RBMS3: variants seen among roughly 807,000 people sequenced by gnomAD.
RBMS3 encodes RNA-binding motif, single-stranded-interacting protein 3.
Under a neutral mutation model 66.8 loss-of-function variants are expected in RBMS3, and 27 were observed. The observed-to-expected ratio is 0.40, with a 90% CI of 0.30 to 0.56. The LOEUF (loss-of-function observed/expected upper bound fraction) is 0.56, where lower values mean the gene tolerates loss of function less well. Ranked by LOEUF, RBMS3 falls within the 20% of genes least tolerant of loss-of-function variation. The pLI is 0.40. For synonymous variants in RBMS3, 188 were observed against 183.0 expected, an observed-to-expected ratio of 1.03 and a Z score of -0.22; for missense variants, 513 against 549.5, an observed-to-expected ratio of 0.93 and a Z score of 0.66.
intron 4 of RBMS3, among the ~76,000 whole-genome samples, chr3:29,739,054 A>G (rs2054504490): frequency 6.6e-6 from 1 of 152,230 alleles, no homozygotes; most frequent in African/African-American, 2.4e-5. Flanking sequence ...ATTAAATGCA[A>G]TATCAGTAAC....
intron 1 of RBMS3, among the ~76,000 whole-genome samples, chr3:29,313,905 C>T (rs755871711): frequency 2.0e-5 from 3 of 151,636 alleles, no homozygotes; most frequent in Admixed American, 6.6e-5. Flanking sequence ...AAGGAAAATT[C>T]GGGATGAGTG....
At position 29,430,937 on chromosome 3, in the gene RBMS3, C is replaced by T. The variant is rs114789442; in HGVS notation, c.76-3806C>T. Among the ~76,000 whole-genome samples the T allele has an allele frequency of 9.1e-3, 1,384 of 152,194 alleles. 25 individuals are homozygous for T. The highest frequency in any genetic ancestry group is 0.03 in the African/African-American group (1,262 of 41,518). On this transcript the variant is annotated intron_variant, in intron 1 of 14. Coordinates refer to ENST00000383767, the MANE Select transcript of RBMS3 (RefSeq NM_001003793.3). ...GGAAGTAAAGAGAAATCTCATCTGA[C>T]CCATTATGAGATACACCAGGAAGCC...
At chr3:29,363,806 A>G (rs2037745396) in intron 1 of RBMS3, among the ~76,000 whole-genome samples, 1 of 152,060 alleles carries the variant, frequency 6.6e-6, no homozygotes, top group East Asian at 1.9e-4. Flanking sequence ...AATTAAAAAA[A>G]AAAAAAAAAC....
At chr3:29,350,583 T>A (rs1351213318) in intron 1 of RBMS3, among the ~76,000 whole-genome samples, 1 of 152,076 alleles carries the variant, frequency 6.6e-6, no homozygotes, top group Non-Finnish European at 1.5e-5. Flanking sequence ...GCCACAGAGA[T>A]GGAGAGAACT....
chr3:29,931,413 C>A (rs989433608), intron 10 of RBMS3, among the ~76,000 whole-genome samples: 42 of 152,180 alleles, frequency 2.8e-4, no homozygotes, highest in Non-Finnish European at 1.2e-4. Context: ...CAGCATTTGT[C>A]AAATCCTTCC....
intron 4 of RBMS3, among the ~76,000 whole-genome samples, chr3:29,643,602 C>T (rs955371804): frequency 6.6e-6 from 1 of 151,914 alleles, no homozygotes; most frequent in African/African-American, 2.4e-5. Flanking sequence ...AATTAAGGAG[C>T]GTAACACAGT....
At chr3:29,698,229 T>G in intron 4 of RBMS3, 1 of 985,386 alleles carries the variant, frequency 1.0e-6, no homozygotes, top group Non-Finnish European at 1.2e-6. Flanking sequence ...CAGAAAGTTC[T>G]GAGTAATGCA....
At chr3:29,387,101 G>C (rs766904184) in intron 1 of RBMS3, among the ~76,000 whole-genome samples, 3 of 152,024 alleles carry the variant, frequency 2.0e-5, no homozygotes, top group Non-Finnish European at 4.4e-5. Context: ...TGGATCTCTG[G>C]ATATCTTTAT....
At chr3:29,859,588 G>A (rs2059162041) in intron 6 of RBMS3, among the ~76,000 whole-genome samples, 1 of 152,176 alleles carries the variant, frequency 6.6e-6, no homozygotes, top group Non-Finnish European at 1.5e-5. Context: ...ATGGCAGACA[G>A]GATCTATACG....
At chr3:29,620,216 A>C (rs2149151900) in intron 4 of RBMS3, among the ~76,000 whole-genome samples, 1 of 152,232 alleles carries the variant, frequency 6.6e-6, no homozygotes, top group African/African-American at 2.4e-5. Context: ...TGGATCCTTT[A>C]ATGCTTAGAT....
At chr3:29,521,264 A>G (rs1001099869) in intron 3 of RBMS3, among the ~76,000 whole-genome samples, 19 of 152,216 alleles carry the variant, frequency 1.2e-4, no homozygotes, top group African/African-American at 4.6e-4. Context: ...ACCCTAGTTC[A>G]TAGGCAGTAT....
chr3:29,522,779 T>C (rs990870055), intron 3 of RBMS3, among the ~76,000 whole-genome samples: 2 of 151,928 alleles, frequency 1.3e-5, no homozygotes, highest in Non-Finnish European at 2.9e-5. Flanking sequence ...GACAAAGGAG[T>C]CTGGAAAAGG....
At chr3:29,425,547 G>A (rs900426852) in intron 1 of RBMS3, among the ~76,000 whole-genome samples, 4 of 149,698 alleles carry the variant, frequency 2.7e-5, no homozygotes, top group Admixed American at 6.7e-5. Context: ...CTGAGACAGG[G>A]GAATTGCTTG....
intron 1 of RBMS3, among the ~76,000 whole-genome samples, chr3:29,387,318 C>G (rs896214857): frequency 1.3e-5 from 2 of 152,236 alleles, no homozygotes; most frequent in Admixed American, 6.5e-5. Context: ...TTCCCCAAAC[C>G]TGCTTTACTT....
At chr3:29,414,287 T>C (rs1331212615) in intron 1 of RBMS3, among the ~76,000 whole-genome samples, 3 of 152,212 alleles carry the variant, frequency 2.0e-5, no homozygotes, top group African/African-American at 7.2e-5. Flanking sequence ...TTGGAAAATA[T>C]ATCTATCCCA....
chr3:29,324,990 A>G (rs1424550216), intron 1 of RBMS3, among the ~76,000 whole-genome samples: 1 of 152,116 alleles, frequency 6.6e-6, no homozygotes, highest in Non-Finnish European at 1.5e-5. Flanking sequence ...GAAAGAATAC[A>G]TGCATATAAT....
rs1245001930 is a variant in RBMS3 at position 29,490,042 on chromosome 3, CAA to C, written c.307+1565_307+1566del. Among the ~76,000 whole-genome samples, 397 of 49,966 alleles carry C rather than the reference CAA, an allele frequency of 7.9e-3. 1 individual carries two copies. Among genetic ancestry groups the C allele is most frequent in the African/African-American group, 0.025 (373 of 14,864 alleles). 32.8% of individuals were successfully genotyped at this position (49,966 alleles called of 152,430 possible). A position where few individuals can be genotyped will look rare whatever the true frequency, so the allele number is the denominator to read the frequency against. ...TGGGCTACAGGGCAAGACTCCCTCTCAAAAAAAAAAAAAAAAAAAAAAAGTAC... is the reference window on the plus strand; with the variant it reads ...TGGGCTACAGGGCAAGACTCCCTCTCAAAAAAAAAAAAAAAAAAAAAGTAC... On this transcript the variant is annotated intron_variant, in intron 3 of 14. Transcript: ENST00000383767.
chr3:29,603,534 T>C (rs1428343614), intron 4 of RBMS3, among the ~76,000 whole-genome samples: 1 of 151,958 alleles, frequency 6.6e-6, no homozygotes, highest in Non-Finnish European at 1.5e-5. Flanking sequence ...AAAATTAATA[T>C]TGGCATCCAC....
intron 7 of RBMS3, among the ~76,000 whole-genome samples, chr3:29,872,494 C>G (rs2059516104): frequency 1.3e-5 from 2 of 152,094 alleles, no homozygotes; most frequent in South Asian, 4.1e-4. Context: ...TATAGATCTT[C>G]TAATACGATC....
Sources: allele counts gnomAD v4.1 joint callset (sites outside exome capture counted in the v4.1 genomes callset), GRCh38; gene constraint gnomAD v4.1.1; transcripts MANE v1.5; gene names NCBI Gene and HGNC (gene_info 2026-07-23, HGNC 2026-07-21).